Variants in PLB1 observed in about 807,000 individuals in gnomAD.
PLB1 encodes phospholipase B1, also known as phospholipase B1, membrane-associated.
PLB1 carries 242 observed loss-of-function variants against 227.4 expected under a neutral mutation model. That is an observed-to-expected ratio of 1.06 (90% confidence interval 0.96 to 1.18). The LOEUF (loss-of-function observed/expected upper bound fraction) is 1.18. Among genes scored for constraint, PLB1 ranks in the 50% most tolerant of loss-of-function variants. The pLI is 0.00. For missense variants in PLB1, 1,858 were observed against 1,816.3 expected (o/e 1.02, Z -0.42); for synonymous variants, 757 against 682.2 (o/e 1.11, Z -1.71).
chr2:28,580,812 T>C (rs1679802826), intron 23 of PLB1, among the ~76,000 whole-genome samples: 1 of 151,714 alleles, frequency 6.6e-6, no homozygotes, highest in Non-Finnish European at 1.5e-5. Context: ...AGCTCAGGCT[T>C]GAAGATGAGG....
At chr2:28,593,576 A>AT (rs1682369290) in intron 32 of PLB1, 105 bp from the exon 33 acceptor site, 2 of 905,694 alleles carry the variant, frequency 2.2e-6, no homozygotes, top group Non-Finnish European at 3.6e-6. Flanking sequence ...TGCTCCTGCC[A>AT]CCACGAGTGC....
At chr2:28,597,110 A>T (rs1411567021) in intron 33 of PLB1, among the ~76,000 whole-genome samples, 1 of 151,960 alleles carries the variant, frequency 6.6e-6, no homozygotes, top group Non-Finnish European at 1.5e-5. Flanking sequence ...AAAAAACAGA[A>T]AAAATTAGCT....
intron 9 of PLB1, among the ~76,000 whole-genome samples, chr2:28,537,658 C>CAAAAAA (rs771254945): frequency 1.8e-5 from 1 of 56,218 alleles, no homozygotes. Context: ...GACTCCATCT[C>CAAAAAA]AAAAAAAAAA....
In PLB1 at chr2:28,625,041, T is replaced by G. The variant is rs1156599559; in HGVS notation, c.3528-16T>G. The G allele has an allele frequency of 6.2e-7, 1 of 1,612,906 alleles. No individual in the cohort carries two copies. The highest frequency in any genetic ancestry group is 1.7e-5 in the Admixed American group (1 of 59,904). On this transcript the variant is annotated splice_polypyrimidine_tract_variant and intron_variant, in intron 49 of 57. Coordinates refer to ENST00000327757, the MANE Select transcript of PLB1 (RefSeq NM_153021.5). ...CTGAGCCGGCACTAACGCCCCTCTC[T>G]CTACCCCCCACCTAGGGACATGCCA... is the stretch of plus-strand genomic sequence containing the variant.
At chr2:28,543,461 T>C (rs1024132148) in intron 14 of PLB1, among the ~76,000 whole-genome samples, 193 bp downstream of exon 14, 52 of 152,304 alleles carry the variant, frequency 3.4e-4, no homozygotes, top group Admixed American at 3.3e-3. Flanking sequence ...CGCCACAGGT[T>C]CTGCGCTGCA....
chr2:28,583,606 C>G (rs1680420770), intron 25 of PLB1, among the ~76,000 whole-genome samples: 1 of 152,138 alleles, frequency 6.6e-6, no homozygotes, highest in Non-Finnish European at 1.5e-5. Flanking sequence ...TCAGCATCCC[C>G]AAAAAGCCTC....
At chr2:28,586,075 C>T (rs750081492) in intron 26 of PLB1, among the ~76,000 whole-genome samples, 3 of 152,140 alleles carry the variant, frequency 2.0e-5, no homozygotes, top group East Asian at 1.9e-4. Context: ...AGTTCCTGGT[C>T]GTTAAATGAA....
chr2:28,559,320 G>A (rs1392016421), intron 17 of PLB1, among the ~76,000 whole-genome samples: 1 of 152,206 alleles, frequency 6.6e-6, no homozygotes, highest in Non-Finnish European at 1.5e-5. Context: ...CTGAAGGTGG[G>A]GCCCAGCCAT....
At chr2:28,588,046 G>A (rs140124911) in intron 26 of PLB1, among the ~76,000 whole-genome samples, 25 of 152,220 alleles carry the variant, frequency 1.6e-4, no homozygotes, top group African/African-American at 6.0e-4. Flanking sequence ...GCCGTGTGTG[G>A]CCATCATGCC....
chr2:28,586,938 T>C (rs1680999948), intron 26 of PLB1, among the ~76,000 whole-genome samples: 1 of 151,908 alleles, frequency 6.6e-6, no homozygotes, highest in Non-Finnish European at 1.5e-5. Flanking sequence ...TAGTAGAGAT[T>C]GGGTTTCACT....
chr2:28,535,560 C>T (rs13029005), intron 9 of PLB1, among the ~76,000 whole-genome samples: 28,188 of 152,128 alleles, frequency 0.19, 3,204 homozygotes, highest in Non-Finnish European at 0.26. Flanking sequence ...GAAGTTCTTA[C>T]GTGGCATTTT....
chr2:28,640,403 C>T (rs1573622415), intron 56 of PLB1, among the ~76,000 whole-genome samples: 1 of 152,114 alleles, frequency 6.6e-6, no homozygotes, highest in Admixed American at 6.5e-5. Flanking sequence ...TACAAAGTGG[C>T]GCAAGTGAGA....
chr2:28,526,805 A>C (rs185755321), intron 6 of PLB1, among the ~76,000 whole-genome samples: 16 of 152,336 alleles, frequency 1.1e-4, no homozygotes, highest in Admixed American at 1.0e-3. Context: ...AATTGAAAGG[A>C]GGGGCCCATG....
rs1684284703 is a variant in PLB1 at position 28,603,956 on chromosome 2, C to T, written c.2775-10C>T. On this transcript the variant is annotated splice_polypyrimidine_tract_variant and intron_variant, in intron 39 of 57. Transcript: ENST00000327757. ...GCTCTGGGGCCTCCTGCCTCCCCCT[C>T]TTTGTGCAGCGTTTTGTGTAACTGC... 6.2e-7 allele frequency: 1 copy of T among 1,613,748 alleles called. No individual in the cohort carries two copies. Among genetic ancestry groups the T allele is most frequent in the Non-Finnish European group, 8.5e-7 (1 of 1,179,736 alleles).
chr2:28,635,254 A>C (rs1021536690), intron 56 of PLB1, among the ~76,000 whole-genome samples: 1 of 152,238 alleles, frequency 6.6e-6, no homozygotes, highest in Non-Finnish European at 1.5e-5. Flanking sequence ...TTAGACATAA[A>C]GCTGTAGCAT....
Position 28,516,808 on chromosome 2 carries a change from G to C in PLB1, c.56G>C (p.Gly19Ala). Residue 19 changes from glycine (G) to alanine (A), a missense_variant and splice_region_variant, in exon 2 of 58, where the codon GGG becomes GCG. By Grantham distance (60) the Gly-to-Ala change is moderately conservative. Transcript: ENST00000327757. ...LLELLLLLGQ[G>A]TPQIHTSPRK... Reference sequence around the variant, plus strand: ...TTGAACTATTTCTGCTTTCTTTCAGGGACCCCTCAGATCCATACCTCTCCT... The same window carrying C: ...TTGAACTATTTCTGCTTTCTTTCAGCGACCCCTCAGATCCATACCTCTCCT... 6.2e-7 allele frequency: 1 copy of C among 1,612,804 alleles called. No individual in the cohort carries two copies. Among genetic ancestry groups the C allele is most frequent in the Non-Finnish European group, 8.5e-7 (1 of 1,178,928 alleles).
intron 9 of PLB1, among the ~76,000 whole-genome samples, chr2:28,534,582 G>A (rs898149147): frequency 2.6e-5 from 4 of 152,190 alleles, no homozygotes; most frequent in African/African-American, 7.2e-5. Flanking sequence ...AGAGCTGGGC[G>A]CGGTGGCTCA....
chr2:28,633,081 C>A, intron 56 of PLB1, 42 bp downstream of exon 56: 1 of 1,520,596 alleles, frequency 6.6e-7, no homozygotes, highest in Non-Finnish European at 9.1e-7. Context: ...AAGGGGGGAT[C>A]TAAGGATATT....
chr2:28,566,280 C>G (rs1676885687), intron 19 of PLB1, among the ~76,000 whole-genome samples: 1 of 152,120 alleles, frequency 6.6e-6, no homozygotes, highest in East Asian at 1.9e-4. Flanking sequence ...GGAATCCAAT[C>G]CACTCTGGAA....
Sources: gnomAD v4.1 joint callset for allele counts (sites outside exome capture counted in the v4.1 genomes callset) on GRCh38, gnomAD v4.1.1 for gene constraint, MANE v1.5 for transcripts, NCBI Gene and HGNC (gene_info 2026-07-23, HGNC 2026-07-21) for gene names.